NRG1: variants seen among roughly 807,000 people sequenced by gnomAD.
NRG1 encodes the protein pro-neuregulin-1, membrane-bound isoform.
In NRG1, 18 loss-of-function variants were observed where a neutral mutation model predicts 63.8. The observed-to-expected ratio is 0.28, with a 90% CI of 0.19 to 0.42. The LOEUF is 0.42. NRG1 is among the 10% of genes least tolerant of loss of function. The probability of loss-of-function intolerance (pLI) is 1.00; values close to 1 mark genes in which losing one functional copy is unlikely to be tolerated. For missense variants in NRG1, 762 were observed against 814.7 expected (o/e 0.94, Z 0.79); for synonymous variants, 302 against 301.3 (o/e 1.00, Z -0.02).
At chr8:32,543,086 G>T (rs1832727066) in intron 1 of NRG1, among the ~76,000 whole-genome samples, 1 of 152,122 alleles carries the variant, frequency 6.6e-6, no homozygotes. Context: ...AAAGTATTTA[G>T]TGCTTACCAG....
At chr8:32,733,806 A>G (rs1589484350) in intron 6 of NRG1, among the ~76,000 whole-genome samples, 1 of 152,316 alleles carries the variant, frequency 6.6e-6, no homozygotes, top group East Asian at 1.9e-4. Flanking sequence ...ATACAAATTT[A>G]AAGAAGGGAA....
chr8:31,686,124 T>G (rs1808865721), intron 1 of NRG1, among the ~76,000 whole-genome samples: 1 of 152,202 alleles, frequency 6.6e-6, no homozygotes, highest in Non-Finnish European at 1.5e-5. Flanking sequence ...CGATTTTATT[T>G]AAAACTAACT....
chr8:31,841,798 AG>A (rs2129607816), intron 1 of NRG1, among the ~76,000 whole-genome samples: 1 of 152,348 alleles, frequency 6.6e-6, no homozygotes, highest in South Asian at 2.1e-4. Flanking sequence ...AAGGAATCAT[AG>A]CCCCTTCCTT....
In NRG1 at chr8:32,605,427, C is replaced by T. The variant is rs534376609; in HGVS notation, c.279-135C>T. 53 of 931,200 alleles carry T rather than the reference C, an allele frequency of 5.7e-5. No homozygotes were observed. The Middle Eastern group carries it at 1.3e-3, about 23-fold the overall frequency. The allele number at this position is 931,200 out of a possible 1,614,324, so 57.7% of individuals were successfully genotyped here. On this transcript the variant is annotated intron_variant, in intron 2 of 11. Coordinates refer to ENST00000356819, the Ensembl canonical transcript of NRG1. ...AAATCATGAGGTCAGATCAATGTAACGGAAGTTGTATTTTAACATATGTAT... is the reference window on the plus strand; with the variant it reads ...AAATCATGAGGTCAGATCAATGTAATGGAAGTTGTATTTTAACATATGTAT...
intron 1 of NRG1, among the ~76,000 whole-genome samples, chr8:32,393,043 A>G (rs1188555429): frequency 6.6e-6 from 1 of 152,176 alleles, no homozygotes; most frequent in African/African-American, 2.4e-5. Context: ...GAGATTTCTG[A>G]GAACATGGTA....
chr8:32,605,428 G>A (rs765224400), intron 2 of NRG1, 134 bp from the exon 3 acceptor site: 22 of 940,768 alleles, frequency 2.3e-5, no homozygotes, highest in Admixed American at 1.2e-4. Flanking sequence ...TCAATGTAAC[G>A]GAAGTTGTAT....
intron 1 of NRG1, among the ~76,000 whole-genome samples, chr8:32,064,205 C>T (rs13255161): frequency 0.41 from 61,763 of 151,834 alleles, 12,917 homozygotes; most frequent in East Asian, 0.68. Flanking sequence ...GAGAAGTCAT[C>T]GGCTAAGCTA....
intron 1 of NRG1, among the ~76,000 whole-genome samples, chr8:31,762,497 A>C (rs1817658508): frequency 6.6e-6 from 1 of 152,238 alleles, no homozygotes; most frequent in Non-Finnish European, 1.5e-5. Context: ...ATAGTGCTGC[A>C]ATAAACATAT....
intron 1 of NRG1, among the ~76,000 whole-genome samples, chr8:32,485,951 G>A (rs1825841806): frequency 1.3e-5 from 2 of 151,874 alleles, no homozygotes; most frequent in African/African-American, 4.8e-5. Flanking sequence ...CTTTGAGACA[G>A]AGTTTCACTC....
At chr8:32,132,007 A>G (rs774315123) in intron 1 of NRG1, among the ~76,000 whole-genome samples, 2 of 152,170 alleles carry the variant, frequency 1.3e-5, no homozygotes, top group Middle Eastern at 3.4e-3. Flanking sequence ...TCCTATGTGT[A>G]TAAGATTCAA....
At chr8:32,001,242 C>T (rs945373919) in intron 1 of NRG1, among the ~76,000 whole-genome samples, 23 of 152,130 alleles carry the variant, frequency 1.5e-4, no homozygotes, top group African/African-American at 5.5e-4. Context: ...GGGAGGGACC[C>T]AGTGGGAGAT....
At chr8:32,501,637 A>G (rs1302294649) in intron 1 of NRG1, among the ~76,000 whole-genome samples, 5 of 152,246 alleles carry the variant, frequency 3.3e-5, no homozygotes, top group African/African-American at 1.2e-4. Flanking sequence ...TATCTATTTA[A>G]CCAAAGTGAC....
rs890892213 is a variant in NRG1 at position 31,981,532 on chromosome 8, C to T, written c.37+342101C>T. Among the ~76,000 whole-genome samples, 6 of 152,096 alleles carry T rather than the reference C, an allele frequency of 3.9e-5. No homozygotes were observed. The South Asian group carries it at 6.2e-4, about 16-fold the overall frequency. ...TGCAAATAGAAGGGGCAAAAATCAACCTTGCCTATCTGATGATTTAGTGTC... is the reference window on the plus strand; with the variant it reads ...TGCAAATAGAAGGGGCAAAAATCAATCTTGCCTATCTGATGATTTAGTGTC... On this transcript the variant is annotated intron_variant, in intron 1 of 10. Transcript: ENST00000519301.
intron 5 of NRG1, among the ~76,000 whole-genome samples, chr8:32,670,512 C>A (rs1312846278): frequency 6.6e-6 from 1 of 152,140 alleles, no homozygotes; most frequent in Non-Finnish European, 1.5e-5. Context: ...CTCCCACCAA[C>A]ACACACACTC....
chr8:31,833,493 C>T (rs1475843741), intron 1 of NRG1, among the ~76,000 whole-genome samples: 2 of 152,156 alleles, frequency 1.3e-5, no homozygotes, highest in East Asian at 1.9e-4. Flanking sequence ...CAGATAAGCC[C>T]ATAGAACTGG....
intron 1 of NRG1, among the ~76,000 whole-genome samples, chr8:31,677,042 C>G (rs574402399): frequency 4.7e-4 from 72 of 152,196 alleles, no homozygotes; most frequent in Non-Finnish European, 9.0e-4. Flanking sequence ...TTTAACTACT[C>G]AATTCTAAAC....
intron 1 of NRG1, among the ~76,000 whole-genome samples, chr8:32,148,638 C>G (rs1016060705): frequency 2.0e-5 from 3 of 152,138 alleles, no homozygotes; most frequent in Non-Finnish European, 4.4e-5. Flanking sequence ...TAATCCCAAG[C>G]CAAATGACCT....
intron 1 of NRG1, among the ~76,000 whole-genome samples, chr8:32,416,544 C>G (rs1815939196): frequency 1.3e-5 from 2 of 152,144 alleles, no homozygotes; most frequent in Admixed American, 6.6e-5. Context: ...CATTACTTGA[C>G]CCGAAAACTT....
At chr8:32,511,349 G>A (rs1429631648) in intron 1 of NRG1, among the ~76,000 whole-genome samples, 3 of 131,722 alleles carry the variant, frequency 2.3e-5, no homozygotes, top group Non-Finnish European at 4.8e-5. Context: ...GTGTGTGTCT[G>A]TCTGTCGATA....
Sources: gnomAD v4.1 joint callset for allele counts (sites outside exome capture counted in the v4.1 genomes callset) on GRCh38, gnomAD v4.1.1 for gene constraint, MANE v1.5 for transcripts, NCBI Gene and HGNC (gene_info 2026-07-23, HGNC 2026-07-21) for gene names.